Variants in TMEM51 observed in about 807,000 individuals in gnomAD.
TMEM51 encodes chromosome 1 open reading frame 72.
A neutral mutation model predicts 13.6 loss-of-function variants in TMEM51; 8 were observed. The ratio of observed to expected loss-of-function variants is 0.59; its 90% confidence interval spans 0.35 to 1.07. TMEM51 has a LOEUF of 1.07. TMEM51 is among the 50% of genes least tolerant of loss of function. The probability of loss-of-function intolerance (pLI) is 0.02; values close to 1 mark genes in which losing one functional copy is unlikely to be tolerated. For missense variants in TMEM51, 279 were observed against 330.7 expected (o/e 0.84, Z 1.21); for synonymous variants, 147 against 144.4 (o/e 1.02, Z -0.13).
At chr1:15,191,760 G>T (rs1553201348) in intron 1 of TMEM51, 6 of 289,772 alleles carry the variant, frequency 2.1e-5, no homozygotes, top group South Asian at 6.8e-5. Flanking sequence ...TTTTTTTGAA[G>T]TTTGCAAATC....
chr1:15,181,550 C>G (rs556408257), intron 1 of TMEM51, among the ~76,000 whole-genome samples: 1 of 152,326 alleles, frequency 6.6e-6, no homozygotes, highest in African/African-American at 2.4e-5. Context: ...TCTTTCTTTA[C>G]TCCCTTGCAA....
chr1:15,169,233 C>T (rs1400447231), intron 1 of TMEM51, among the ~76,000 whole-genome samples: 1 of 152,158 alleles, frequency 6.6e-6, no homozygotes, highest in Non-Finnish European at 1.5e-5. Context: ...TGGTGAGAAA[C>T]AATAGTACTG....
rs3753317 is a variant in TMEM51, at chr1:15,214,903, A to G, written c.-185A>G. 97,297 of 601,832 alleles carry G rather than the reference A, an allele frequency of 0.16. 8,860 individuals carry two copies. Among genetic ancestry groups the G allele is most frequent in the East Asian group, 0.31 (11,162 of 35,596 alleles). The allele number at this position is 601,832 out of a possible 1,614,324, so 37.3% of individuals were successfully genotyped here. Reference sequence around the variant, plus strand: ...TTCTGCTTTCCTTCCAGGCCCTTCCACCGCAGCCATCCGCACGGGAGGCCT... The same window carrying G: ...TTCTGCTTTCCTTCCAGGCCCTTCCGCCGCAGCCATCCGCACGGGAGGCCT... On this transcript the variant is annotated 5_prime_UTR_variant, in exon 3 of 4. Coordinates refer to ENST00000376008, the MANE Select transcript of TMEM51 (RefSeq NM_001136218.2).
intron 1 of TMEM51, among the ~76,000 whole-genome samples, chr1:15,177,612 C>T (rs372058343): frequency 5.9e-5 from 9 of 152,270 alleles, no homozygotes; most frequent in African/African-American, 1.7e-4. Flanking sequence ...TGGTGATGGG[C>T]GTGCAGTGTC....
chr1:15,212,874 CAT>C (rs568599853), intron 2 of TMEM51, among the ~76,000 whole-genome samples: 3 of 152,210 alleles, frequency 2.0e-5, no homozygotes, highest in South Asian at 2.1e-4. Context: ...TGTGCATAAA[CAT>C]ATATGCACAC....
At chr1:15,190,874 A>C (rs1242073506) in intron 1 of TMEM51, among the ~76,000 whole-genome samples, 1 of 151,572 alleles carries the variant, frequency 6.6e-6, no homozygotes, top group Non-Finnish European at 1.5e-5. Flanking sequence ...TGCGACCTCC[A>C]CCTCCCGGGT....
chr1:15,168,413 A>G lies in TMEM51; in HGVS notation c.-267+14459A>G, dbSNP rs533841676. 7.3e-6 allele frequency: 9 copies of G among 1,234,750 alleles called. No individual in the cohort carries two copies. In the East Asian group the frequency reaches 4.6e-4, roughly 63 times the overall value. 76.5% of individuals were successfully genotyped at this position (1,234,750 alleles called of 1,614,324 possible). On this transcript the variant is annotated intron_variant, in intron 1 of 3. Transcript: ENST00000376008. Reference sequence around the variant, plus strand: ...ACTGTAGAGGCAATCTTTTACAGACAAATGGTAGATAAATGTATAATGAGC... The same window carrying G: ...ACTGTAGAGGCAATCTTTTACAGACGAATGGTAGATAAATGTATAATGAGC...
intron 3 of TMEM51, among the ~76,000 whole-genome samples, chr1:15,218,714 ACACTCT>A (rs749901479): frequency 4.6e-5 from 7 of 152,130 alleles, no homozygotes; most frequent in Non-Finnish European, 1.0e-4. Context: ...TCAGCATGGG[ACACTCT>A]CACCAGTGCC....
At chr1:15,165,826 C>G (rs1435570194) in intron 1 of TMEM51, among the ~76,000 whole-genome samples, 1 of 151,978 alleles carries the variant, frequency 6.6e-6, no homozygotes, top group Non-Finnish European at 1.5e-5. Flanking sequence ...AAAGATTGTT[C>G]ATTGTACATC....
At position 15,187,592 on chromosome 1, in the gene TMEM51, C is replaced by CAT. The variant is rs570837791; in HGVS notation, c.-266-22896_-266-22895dup. On this transcript the variant is annotated intron_variant, in intron 1 of 3. Transcript: ENST00000376008. ...CTGTATCTGTTTGCTGGATGTAGAT[C>CAT]ATAACCTTGACAATAACGTTTTCAA... 8.5e-5 allele frequency among the ~76,000 whole-genome samples: 13 copies of CAT among 152,304 alleles called. 1 individual carries two copies. The South Asian group carries it at 2.5e-3, about 29-fold the overall frequency.
chr1:15,209,051 T>C (rs1644295934), intron 1 of TMEM51, among the ~76,000 whole-genome samples: 1 of 151,826 alleles, frequency 6.6e-6, no homozygotes. Flanking sequence ...CTCCAGGAGG[T>C]AGTGTGTGTG....
intron 1 of TMEM51, chr1:15,192,021 A>T (rs1479502055): frequency 7.5e-6 from 4 of 531,570 alleles, no homozygotes; most frequent in Non-Finnish European, 1.5e-5. Context: ...TTGCGTCTGT[A>T]TTTGAAATGC....
intron 1 of TMEM51, among the ~76,000 whole-genome samples, chr1:15,199,154 C>T (rs1240552652): frequency 2.0e-5 from 3 of 147,046 alleles, no homozygotes; most frequent in Non-Finnish European, 3.0e-5. Flanking sequence ...TTTTTGGAGA[C>T]GAAGTTTCAC....
At chr1:15,157,784 G>A (rs538763530) in intron 1 of TMEM51, among the ~76,000 whole-genome samples, 78 of 152,352 alleles carry the variant, frequency 5.1e-4, no homozygotes, top group African/African-American at 1.9e-3. Flanking sequence ...ACTTGATAAT[G>A]TGTCTTTGGA....
At chr1:15,156,728 C>T (rs1048575473) in intron 1 of TMEM51, among the ~76,000 whole-genome samples, 1 of 152,208 alleles carries the variant, frequency 6.6e-6, no homozygotes, top group Non-Finnish European at 1.5e-5. Flanking sequence ...ACATCATTCT[C>T]ATTTGACAAA....
Position 15,197,038 on chromosome 1 carries a change from G to T in TMEM51, c.-266-13452G>T, listed in dbSNP as rs75513351. 5.1e-3 allele frequency among the ~76,000 whole-genome samples: 773 copies of T among 152,336 alleles called. 9 individuals are homozygous for T. Among genetic ancestry groups the T allele is most frequent in the African/African-American group, 0.018 (728 of 41,574 alleles). On this transcript the variant is annotated intron_variant, in intron 1 of 3. Coordinates refer to ENST00000376008, the MANE Select transcript of TMEM51 (RefSeq NM_001136218.2). Reference sequence around the variant, plus strand: ...CATGAGGACTCACTCCCTGCCGTTTGGTTCTGCTTTTTGCTGTGTTCATTC... The same window carrying T: ...CATGAGGACTCACTCCCTGCCGTTTTGTTCTGCTTTTTGCTGTGTTCATTC...
chr1:15,205,950 A>G (rs1644240482), intron 1 of TMEM51, among the ~76,000 whole-genome samples: 1 of 152,198 alleles, frequency 6.6e-6, no homozygotes, highest in South Asian at 2.1e-4. Context: ...ATTTTAAAAG[A>G]AATGTTCAGG....
chr1:15,164,322 T>G (rs1173056358), intron 1 of TMEM51: 2 of 455,960 alleles, frequency 4.4e-6, no homozygotes, highest in African/African-American at 4.0e-5. Flanking sequence ...ACTGTGACAC[T>G]TTCTCAGTCT....
intron 1 of TMEM51, chr1:15,192,051 A>G (rs1027009880): frequency 1.9e-6 from 1 of 526,932 alleles, no homozygotes; most frequent in Non-Finnish European, 3.9e-6. Context: ...TGTTGTCATG[A>G]TGAGGATTAG....
Sources: allele counts gnomAD v4.1 joint callset (sites outside exome capture counted in the v4.1 genomes callset), GRCh38; gene constraint gnomAD v4.1.1; transcripts MANE v1.5; gene names NCBI Gene and HGNC (gene_info 2026-07-23, HGNC 2026-07-21).